The following DLGAP4 variants were observed in gnomAD, a reference collection of about 807,000 sequenced individuals.
The protein encoded by DLGAP4 is disks large-associated protein 4.
DLGAP4 carries 18 observed loss-of-function variants against 86.9 expected under a neutral mutation model. That is an observed-to-expected ratio of 0.21 (90% CI 0.14 to 0.31). The LOEUF is 0.31. Ranked by LOEUF, DLGAP4 falls within the 10% of genes least tolerant of loss-of-function variation. DLGAP4 has a pLI of 1.00. For synonymous variants in DLGAP4, 548 were observed against 574.3 expected, an observed-to-expected ratio of 0.95 and a Z score of 0.65; for missense variants, 1,085 against 1,362.6, an observed-to-expected ratio of 0.80 and a Z score of 3.21.
chr20:36,451,088 AGAT>A (rs2033723492), intron 7 of DLGAP4, among the ~76,000 whole-genome samples: 1 of 152,250 alleles, frequency 6.6e-6, no homozygotes, highest in South Asian at 2.1e-4. Flanking sequence ...TTAGGGAGCT[AGAT>A]GTCTTTTGCA....
intron 7 of DLGAP4, 149 bp downstream of exon 7, chr20:36,447,086 C>A: frequency 1.4e-6 from 2 of 1,423,616 alleles, no homozygotes; most frequent in Non-Finnish European, 1.8e-6. Flanking sequence ...AAGCAGGAGG[C>A]CTTGGAGCTG....
chr20:36,397,344 A>G (rs1407786841), intron 2 of DLGAP4, among the ~76,000 whole-genome samples: 3 of 152,198 alleles, frequency 2.0e-5, no homozygotes, highest in South Asian at 4.1e-4. Flanking sequence ...AACCAAAGCT[A>G]TTCTATCCAG....
intron 2 of DLGAP4, among the ~76,000 whole-genome samples, chr20:36,408,278 TGTTATCCAGGCA>T (rs2032384843): frequency 6.6e-6 from 1 of 151,892 alleles, no homozygotes; most frequent in Non-Finnish European, 1.5e-5. Context: ...CAATCCTTAT[TGTTATCCAGGCA>T]GTTATCCCTG....
At chr20:36,362,008 A>C (rs112417865) in intron 1 of DLGAP4, among the ~76,000 whole-genome samples, 1 of 149,058 alleles carries the variant, frequency 6.7e-6, no homozygotes, top group Non-Finnish European at 1.5e-5. Flanking sequence ...AAGATAGGAC[A>C]TTGCCAGCCA....
At chr20:36,400,270 C>G (rs2032118915) in intron 2 of DLGAP4, among the ~76,000 whole-genome samples, 1 of 152,198 alleles carries the variant, frequency 6.6e-6, no homozygotes, top group African/African-American at 2.4e-5. Context: ...TCCCCTCTAG[C>G]TTGTGGTACC....
intron 2 of DLGAP4, among the ~76,000 whole-genome samples, chr20:36,410,740 T>C (rs1204149783): frequency 6.6e-6 from 1 of 152,150 alleles, no homozygotes; most frequent in Non-Finnish European, 1.5e-5. Flanking sequence ...TAAGCCATTC[T>C]TGAGGGACGT....
intron 10 of DLGAP4, among the ~76,000 whole-genome samples, chr20:36,517,838 C>T (rs966991734): frequency 6.6e-6 from 1 of 152,054 alleles, no homozygotes; most frequent in Non-Finnish European, 1.5e-5. Context: ...GTAATCTTTC[C>T]TTTCTATCCT....
intron 1 of DLGAP4, among the ~76,000 whole-genome samples, chr20:36,307,141 C>T (rs1483016314): frequency 6.6e-6 from 1 of 152,178 alleles, no homozygotes; most frequent in Non-Finnish European, 1.5e-5. Flanking sequence ...ATAGCGCCCC[C>T]TCCCTGTTTG....
In DLGAP4 at chr20:36,428,744, G is replaced by A. The variant is rs186720927; in HGVS notation, c.-72-2902G>A. Among the ~76,000 whole-genome samples, 43 of 152,354 alleles carry A rather than the reference G, an allele frequency of 2.8e-4. No homozygotes were observed. The Middle Eastern group carries it at 0.01, about 36-fold the overall frequency. ...TGTGCTGTCTGGTTCCCAGACTGGC[G>A]CACTTTGTCTCATAGGATGTTCTAG... On this transcript the variant is annotated intron_variant, in intron 2 of 12. Transcript: ENST00000339266.
chr20:36,320,162 T>C (rs372752865), intron 1 of DLGAP4, among the ~76,000 whole-genome samples: 138 of 29,296 alleles, frequency 4.7e-3, no homozygotes, highest in African/African-American at 0.02. Context: ...TCTGTGTCTT[T>C]CTCTCCCAGG....
At chr20:36,437,445 C>A (rs2033319999) in intron 4 of DLGAP4, among the ~76,000 whole-genome samples, 1 of 152,214 alleles carries the variant, frequency 6.6e-6, no homozygotes, top group Admixed American at 6.5e-5. Context: ...AGTGCATCAC[C>A]TGTAACAGCA....
intron 7 of DLGAP4, among the ~76,000 whole-genome samples, chr20:36,452,077 G>C (rs1173994841): frequency 6.6e-6 from 1 of 152,126 alleles, no homozygotes; most frequent in Admixed American, 6.5e-5. Context: ...ATCTTAATTT[G>C]AGAATGGTTT....
intron 10 of DLGAP4, among the ~76,000 whole-genome samples, chr20:36,517,510 G>A (rs1042603987): frequency 5.3e-5 from 8 of 152,024 alleles, no homozygotes; most frequent in African/African-American, 1.4e-4. Context: ...CAGGTGATCC[G>A]CCCACCTCAG....
chr20:36,338,854 G>A (rs1474308371), intron 1 of DLGAP4, among the ~76,000 whole-genome samples: 3 of 152,372 alleles, frequency 2.0e-5, no homozygotes, highest in Admixed American at 1.3e-4. Context: ...CCACCCAGGT[G>A]AAGAGGGAGA....
chr20:36,510,690 T>C (rs1895448715), intron 10 of DLGAP4, among the ~76,000 whole-genome samples: 1 of 149,308 alleles, frequency 6.7e-6, no homozygotes, highest in Non-Finnish European at 1.5e-5. Context: ...GGATTACAGG[T>C]GTGAGCCACT....
At chr20:36,514,501 C>G (rs2036921790) in intron 10 of DLGAP4, among the ~76,000 whole-genome samples, 1 of 152,060 alleles carries the variant, frequency 6.6e-6, no homozygotes, top group Admixed American at 6.6e-5. Flanking sequence ...GCCTTGAACT[C>G]CTGGGCTCCA....
chr20:36,431,145 CAGGG>C lies in DLGAP4; in HGVS notation c.-72-500_-72-497del, dbSNP rs148076124. On this transcript the variant is annotated intron_variant, in intron 2 of 12. Coordinates refer to ENST00000339266, the MANE Select transcript of DLGAP4 (RefSeq NM_001365621.2). This position sits in a 1 kb window ranked among gnomAD's most constrained non-coding sequence, Gnocchi z 5.1. ...CCCACGCCTGCCTCCAGGGCCAGCACAGGGTCCTCCCGTGGGAGGTGGACCCTGC... is the reference window on the plus strand; with the variant it reads ...CCCACGCCTGCCTCCAGGGCCAGCACTCCTCCCGTGGGAGGTGGACCCTGC... Among the ~76,000 whole-genome samples, 102,592 of 151,814 alleles carry C rather than the reference CAGGG, an allele frequency of 0.68. 36,316 individuals are homozygous for C. The highest frequency in any genetic ancestry group is 0.79 in the Non-Finnish European group (53,614 of 67,908).
chr20:36,426,451 G>T (rs947288684), intron 2 of DLGAP4, among the ~76,000 whole-genome samples: 1 of 151,938 alleles, frequency 6.6e-6, no homozygotes, highest in Non-Finnish European at 1.5e-5. Flanking sequence ...GGAGGCAGAG[G>T]TTGCAGTGAG....
At chr20:36,370,700 G>C (rs1036731450) in intron 2 of DLGAP4, among the ~76,000 whole-genome samples, 1 of 152,114 alleles carries the variant, frequency 6.6e-6, no homozygotes, top group African/African-American at 2.4e-5. Context: ...TGTGCCGGTA[G>C]TCCCAGCTAC....
Sources: allele counts gnomAD v4.1 joint callset (sites outside exome capture counted in the v4.1 genomes callset), GRCh38; gene constraint gnomAD v4.1.1; non-coding constraint Gnocchi (gnomAD v3.1); transcripts MANE v1.5; gene names NCBI Gene and HGNC (gene_info 2026-07-23, HGNC 2026-07-21).